Variants in TMEM100 observed in about 807,000 individuals in gnomAD.
TMEM100 encodes the protein transmembrane protein 100.
For synonymous variants in TMEM100, 61 were observed against 67.1 expected, an observed-to-expected ratio of 0.91 and a Z score of 0.44; for missense variants, 137 against 168.2, an observed-to-expected ratio of 0.81 and a Z score of 1.02.
rs1567921604 is a variant in TMEM100, at chr17:55,721,052, TG to T, written c.18del (p.Lys7ArgfsTer24). The T allele has an allele frequency of 6.2e-7, 1 of 1,611,918 alleles. No homozygotes were observed. Among genetic ancestry groups the T allele is most frequent in the Non-Finnish European group, 8.5e-7 (1 of 1,178,876 alleles). On this transcript the variant is annotated frameshift_variant, in exon 2 of 2. Transcript: ENST00000424486. LOFTEE classifies it high-confidence loss of function. The part of the protein sequence containing the change: MTEEP[I>X]KEILGAPKAH... ...GCCTTTGGGGCTCCCAGGATCTCCT[TG>T]ATGGGCTCTTCAGTCATTTTTACAA...
intron 1 of TMEM100, chr17:55,721,689 T>A (rs1293063980): frequency 6.5e-6 from 1 of 152,774 alleles, no homozygotes; most frequent in Non-Finnish European, 1.5e-5. Context: ...ATTGTGTTAC[T>A]ATTAAACACA....
Position 55,720,546 on chromosome 17 carries a change from C to G in TMEM100, c.*120G>C. 2 of 1,164,974 alleles carry G rather than the reference C, an allele frequency of 1.7e-6. No individual in the cohort carries two copies. Among genetic ancestry groups the G allele is most frequent in the Non-Finnish European group, 2.4e-6 (2 of 832,368 alleles). 72.2% of individuals were successfully genotyped at this position (1,164,974 alleles called of 1,614,324 possible). ...AGAAGCCCCTCCACCCTCCCACCCC[C>G]ATTCTTCCAGTCTGCTCCAACGCCA... On this transcript the variant is annotated 3_prime_UTR_variant, in exon 2 of 2. Transcript: ENST00000424486.
At chr17:55,726,738 TTTTAAGGGTGTGCCTGCA>T (rs1211143741), upstream of TMEM100, among the ~76,000 whole-genome samples, 1 of 152,190 alleles carries the variant, frequency 6.6e-6, no homozygotes, top group Non-Finnish European at 1.5e-5. Context: ...CTAATGCTTC[TTTTAAGGGTGTGCCTGCA>T]TTTATGTTCT....
rs1458591301 is a variant in TMEM100 at position 55,720,112 on chromosome 17, TA to T, written c.*553del. On this transcript the variant is annotated 3_prime_UTR_variant, in exon 2 of 2. Coordinates refer to ENST00000424486, the MANE Select transcript of TMEM100 (RefSeq NM_018286.3). ...GCTAACACTGTCCAATGTTAAAATA[TA>T]AAAAATATTACTTTTCAAGATAAAG... The T allele has an allele frequency of 6.6e-6, 1 of 152,624 alleles. No homozygotes were observed. The highest frequency in any genetic ancestry group is 1.5e-5 in the Non-Finnish European group (1 of 68,198). The allele number at this position is 152,624 out of a possible 1,614,324, so 9.5% of individuals were successfully genotyped here. A position where few individuals can be genotyped will look rare whatever the true frequency, so the allele number is the denominator to read the frequency against.
Position 55,721,015 on chromosome 17 carries a change from G to T in TMEM100, c.56C>A (p.Ala19Glu). The change falls in exon 2 of 2, where the codon GCG becomes GAG. Residue 19 changes from alanine (A) to glutamate (E), a missense_variant. Transcript: ENST00000424486. ...ACTCTTGGGGCTCTTCTCCATCGTC[G>T]CTGCCATGTGAGCCTTTGGGGCTCC... ...ILGAPKAHMAATMEKSPKSEV... is the reference protein window; with the variant it reads ...ILGAPKAHMAETMEKSPKSEV... 1 of 1,613,998 alleles carries T rather than the reference G, an allele frequency of 6.2e-7. No homozygotes were observed. The highest frequency in any genetic ancestry group is 1.1e-5 in the South Asian group (1 of 91,042).
In TMEM100 at chr17:55,720,644, G is replaced by A. The variant is rs1480330342; in HGVS notation, c.*22C>T. ...CAGAGCACGTTTTCCAGGCCCAATG[G>A]CCCATTTGGTCGTATTCAGTCTCAA... On this transcript the variant is annotated 3_prime_UTR_variant, in exon 2 of 2. Transcript: ENST00000424486. 7.6e-6 allele frequency: 12 copies of A among 1,569,242 alleles called. No individual in the cohort carries two copies. Among genetic ancestry groups the A allele is most frequent in the African/African-American group, 1.4e-5 (1 of 73,336 alleles).
At chr17:55,725,389 A>G (rs1020879413), upstream of TMEM100, among the ~76,000 whole-genome samples, 1 of 152,168 alleles carries the variant, frequency 6.6e-6, no homozygotes, top group Non-Finnish European at 1.5e-5. Context: ...AACTTTTCTC[A>G]AAGCCTCCAA....
At chr17:55,730,397 A>G (rs1421555153) in intron 1 of TMEM100, among the ~76,000 whole-genome samples, 1 of 152,208 alleles carries the variant, frequency 6.6e-6, no homozygotes, top group Non-Finnish European at 1.5e-5. Context: ...ATGAATAGTA[A>G]TTATAGTAAT....
At position 55,729,961 on chromosome 17, in the gene TMEM100, T is replaced by C. The variant is rs140071994; in HGVS notation, c.-359+1710A>G. Among the ~76,000 whole-genome samples, 150 of 152,292 alleles carry C rather than the reference T, an allele frequency of 9.8e-4. 1 individual carries two copies. Among genetic ancestry groups the C allele is most frequent in the Middle Eastern group, 6.8e-3 (2 of 294 alleles). On this transcript the variant is annotated intron_variant, in intron 1 of 3. Coordinates refer to the TMEM100 transcript ENST00000575734. ...CATGAGGAAGGAATATATAGAAGGT[T>C]CTTGTCTTGCCACTTCACATATGGA...
At chr17:55,722,311 T>C (rs546110060) in intron 1 of TMEM100, among the ~76,000 whole-genome samples, 1 of 152,338 alleles carries the variant, frequency 6.6e-6, no homozygotes, top group Admixed American at 6.5e-5. Context: ...ATGAGATTCA[T>C]ACTTTAAATA....
chr17:55,720,268 A>C lies in TMEM100; in HGVS notation c.*398T>G. ...CAAGGTAATTTAGATCCTTGGCAGA[A>C]CATTTTTATGATACATCTTAAGACT... On this transcript the variant is annotated 3_prime_UTR_variant, in exon 2 of 2. Transcript: ENST00000424486. 6.0e-6 allele frequency: 1 copy of C among 166,520 alleles called. No homozygotes were observed. The highest frequency in any genetic ancestry group is 1.7e-4 in the East Asian group (1 of 5,790). The allele number at this position is 166,520 out of a possible 1,614,324, so 10.3% of individuals were successfully genotyped here. A position where few individuals can be genotyped will look rare whatever the true frequency, so the allele number is the denominator to read the frequency against.
chr17:55,731,437 G>C (rs1471045172), intron 1 of TMEM100, among the ~76,000 whole-genome samples: 1 of 152,098 alleles, frequency 6.6e-6, no homozygotes, highest in African/African-American at 2.4e-5. Context: ...GCTTGGGCAA[G>C]TCACCCAACT....
chr17:55,720,567 C>T lies in TMEM100; in HGVS notation c.*99G>A, dbSNP rs185469303. On this transcript the variant is annotated 3_prime_UTR_variant, in exon 2 of 2. Coordinates refer to ENST00000424486, the MANE Select transcript of TMEM100 (RefSeq NM_018286.3). ...CCCCCATTCTTCCAGTCTGCTCCAA[C>T]GCCAAGTCTGTTCTCTCCCACCATG... is the stretch of plus-strand genomic sequence containing the variant. The T allele has an allele frequency of 1.1e-3, 997 of 878,906 alleles. 12 individuals are homozygous for T. The African/African-American group carries it at 0.014, about 12-fold the overall frequency. The allele number at this position is 878,906 out of a possible 1,614,324, so 54.4% of individuals were successfully genotyped here.
At chr17:55,731,049 CG>C (rs1567924518) in intron 1 of TMEM100, among the ~76,000 whole-genome samples, 1 of 152,084 alleles carries the variant, frequency 6.6e-6, no homozygotes, top group African/African-American at 2.4e-5. Flanking sequence ...AGAAGGGCAC[CG>C]AGTCTACTTT....
rs1057219964 is a variant in TMEM100 at position 55,720,913 on chromosome 17, C to T, written c.158G>A (p.Cys53Tyr). 5 of 1,614,080 alleles carry T rather than the reference C, an allele frequency of 3.1e-6. No individual in the cohort carries two copies. Among genetic ancestry groups the T allele is most frequent in the African/African-American group, 1.3e-5 (1 of 74,914 alleles). The change falls in exon 2 of 2, where the codon TGC (cysteine) becomes TAC (tyrosine). Residue 53 changes from cysteine to tyrosine, a missense_variant. By Grantham distance (194) the Cys-to-Tyr change is radical (BLOSUM62 -2). Transcript: ENST00000424486. ...AGCAAAGGGGATGATGCAGCGGTAG[C>T]AGGAGAGCTCGGTACCCCCTGTAGC... ...MAATGGTELSCYRCIIPFAVV... is the reference protein window; with the variant it reads ...MAATGGTELSYYRCIIPFAVV...
intron 1 of TMEM100, among the ~76,000 whole-genome samples, chr17:55,730,691 C>A (rs1909182426): frequency 6.6e-6 from 1 of 152,094 alleles, no homozygotes; most frequent in South Asian, 2.1e-4. Context: ...CATTTTTATC[C>A]TCTTAAAAAG....
chr17:55,728,960 T>C (rs1909137097), intron 1 of TMEM100, among the ~76,000 whole-genome samples: 1 of 152,180 alleles, frequency 6.6e-6, no homozygotes, highest in African/African-American at 2.4e-5. Context: ...GAGCACTGAG[T>C]AGCCTGTTTG....
At position 55,720,505 on chromosome 17, in the gene TMEM100, T is replaced by TGTA; in HGVS notation, c.*160_*161insTAC. On this transcript the variant is annotated 3_prime_UTR_variant, in exon 2 of 2. Coordinates refer to ENST00000424486, the MANE Select transcript of TMEM100 (RefSeq NM_018286.3). Reference sequence around the variant, plus strand: ...AGTTTGTCGTTAAAGAAGACATGAGTCATTCCTCACAAAGGAGAAGCCCCT... The same window carrying TGTA: ...AGTTTGTCGTTAAAGAAGACATGAGTGTACATTCCTCACAAAGGAGAAGCCCCT... 1 of 887,428 alleles carries TGTA rather than the reference T, an allele frequency of 1.1e-6. No homozygotes were observed. The highest frequency in any genetic ancestry group is 1.7e-6 in the Non-Finnish European group (1 of 595,252). The allele number at this position is 887,428 out of a possible 1,614,324, so 55.0% of individuals were successfully genotyped here.
chr17:55,729,649 C>T (rs1377480503), intron 1 of TMEM100, among the ~76,000 whole-genome samples: 2 of 151,970 alleles, frequency 1.3e-5, no homozygotes, highest in Non-Finnish European at 2.9e-5. Context: ...TGCACACACA[C>T]ACAATTTTGC....
Sources: allele counts gnomAD v4.1 joint callset (sites outside exome capture counted in the v4.1 genomes callset), GRCh38; gene constraint gnomAD v4.1.1; transcripts MANE v1.5; gene names NCBI Gene and HGNC (gene_info 2026-07-23, HGNC 2026-07-21).